Variants in KASH5 observed in about 807,000 individuals in gnomAD.
KASH5 encodes protein KASH5.
A neutral mutation model predicts 84.2 loss-of-function variants in KASH5; 72 were observed. The observed-to-expected ratio is 0.85, with a 90% CI of 0.71 to 1.04. KASH5 has a LOEUF of 1.04. Among genes scored for constraint, KASH5 ranks in the 50% least tolerant of loss-of-function variants. KASH5 has a pLI of 0.00. For synonymous variants in KASH5, 260 were observed against 279.1 expected (o/e 0.93, Z 0.68); for missense variants, 650 against 701.0 (o/e 0.93, Z 0.82).
At chr19:49,409,175 C>CCCT (rs776995923) in intron 13 of KASH5, 21 bp from the exon 14 acceptor site, 15 of 1,611,250 alleles carry the variant, frequency 9.3e-6, no homozygotes, top group Non-Finnish European at 1.3e-5. Flanking sequence ...CCATCTTCCT[C>CCCT]CCTCCTTCCT....
rs1012073553 is a variant in KASH5, at chr19:49,398,037, C to T, written c.523C>T (p.Arg175Cys). 8.7e-6 allele frequency: 14 copies of T among 1,613,796 alleles called. No homozygotes were observed. The highest frequency in any genetic ancestry group is 5.5e-5 in the South Asian group (5 of 91,074). ...SLEDLELSNR[R>C]LVGENAKLQR... ...GGAGGACCTGGAGCTCAGCAACCGACGTCTGGTTGGGGAGAATGCCAAATT... is the reference window on the plus strand; with the variant it reads ...GGAGGACCTGGAGCTCAGCAACCGATGTCTGGTTGGGGAGAATGCCAAATT... Residue 175 changes from arginine to cysteine, a missense_variant, in exon 7 of 20, where the codon CGT becomes TGT. Transcript: ENST00000447857.
chr19:49,413,112 G>A, intron 16 of KASH5, 86 bp downstream of exon 16: 1 of 1,333,700 alleles, frequency 7.5e-7, no homozygotes, highest in Non-Finnish European at 1.1e-6. Flanking sequence ...GCCCTGAGGG[G>A]ATCGGCATTC....
intron 2 of KASH5, 75 bp from the exon 3 acceptor site, chr19:49,394,401 G>T: frequency 8.7e-7 from 1 of 1,143,098 alleles, no homozygotes; most frequent in Non-Finnish European, 1.3e-6. Flanking sequence ...GAGCCCAGGA[G>T]GCTGAGGACC....
chr19:49,391,416 C>G (rs949190630), intron 2 of KASH5, among the ~76,000 whole-genome samples: 1 of 152,008 alleles, frequency 6.6e-6, no homozygotes, highest in Non-Finnish European at 1.5e-5. Context: ...ATATGAGCCA[C>G]ATAGGTAATT....
At chr19:49,409,066 A>C (rs1426950644) in intron 13 of KASH5, 35 bp downstream of exon 13, 1 of 1,581,108 alleles carries the variant, frequency 6.3e-7, no homozygotes, top group Non-Finnish European at 8.6e-7. Context: ...AGGAGGCAGG[A>C]GGGGAGCCTA....
chr19:49,409,192 C>A lies in KASH5; in HGVS notation c.1059-4C>A. On this transcript the variant is annotated splice_polypyrimidine_tract_variant and splice_region_variant and intron_variant, in intron 13 of 19. Coordinates refer to ENST00000447857, the MANE Select transcript of KASH5 (RefSeq NM_144688.5). The stretch of plus-strand genomic sequence containing the variant: ...ATCTTCCTCCCTCCTTCCTGTGTGG[C>A]CAGGCTACCTGAAGGGGCCCAGCTG... 2 of 1,612,814 alleles carry A rather than the reference C, an allele frequency of 1.2e-6. No homozygotes were observed. The highest frequency in any genetic ancestry group is 1.7e-6 in the Non-Finnish European group (2 of 1,179,038).
intron 5 of KASH5, among the ~76,000 whole-genome samples, chr19:49,396,601 A>G (rs777281659): frequency 6.6e-6 from 1 of 152,064 alleles, no homozygotes; most frequent in Non-Finnish European, 1.5e-5. Context: ...GCCCCTGGCT[A>G]GAGTTCCTTG....
intron 9 of KASH5, 64 bp from the exon 10 acceptor site, chr19:49,406,822 T>C (rs1974540831): frequency 1.4e-6 from 2 of 1,411,632 alleles, no homozygotes; most frequent in Non-Finnish European, 2.0e-6. Context: ...TTAGCAAATA[T>C]CTGCTGTTAA....
Position 49,405,420 on chromosome 19 carries a change from G to A in KASH5, c.799-1466G>A, listed in dbSNP as rs560877706. ...TGCAGTGAGCCGAGATCACGCCATT[G>A]CACTCCAGCCTGGGCAACAAGAGTG... On this transcript the variant is annotated intron_variant, in intron 9 of 19. Transcript: ENST00000447857. Among the ~76,000 whole-genome samples, 3 of 146,928 alleles carry A rather than the reference G, an allele frequency of 2.0e-5. No individual in the cohort carries two copies. In the South Asian group the frequency reaches 6.4e-4, roughly 31 times the overall value.
rs909205294 is a variant in KASH5, at chr19:49,416,834, A to G, written c.1375-181A>G. Among the ~76,000 whole-genome samples, 2 of 152,126 alleles carry G rather than the reference A, an allele frequency of 1.3e-5. No individual in the cohort carries two copies. Among genetic ancestry groups the G allele is most frequent in the East Asian group, 1.9e-4 (1 of 5,182 alleles). ...GAGCGGCACGGAGAGGTGTGGTGAC[A>G]TGCCAAGGACCCTCAGCCAGAAGCT... On this transcript the variant is annotated intron_variant, in intron 17 of 19. Coordinates refer to ENST00000447857, the MANE Select transcript of KASH5 (RefSeq NM_144688.5). This position sits in a 1 kb window ranked among gnomAD's most constrained non-coding sequence, Gnocchi z 5.4.
At chr19:49,413,810 GCTTGGAC>G (rs1163730175) in intron 16 of KASH5, among the ~76,000 whole-genome samples, 1 of 152,108 alleles carries the variant, frequency 6.6e-6, no homozygotes, top group African/African-American at 2.4e-5. Flanking sequence ...AGCTGTGAGG[GCTTGGAC>G]CTTGAGAGGG....
intron 15 of KASH5, among the ~76,000 whole-genome samples, chr19:49,411,641 A>G (rs938661312): frequency 6.6e-6 from 1 of 152,182 alleles, no homozygotes; most frequent in African/African-American, 2.4e-5. Context: ...AGACTGAGCC[A>G]GGCCTCAGAG....
chr19:49,417,040 C>T lies in KASH5; in HGVS notation c.1400C>T (p.Ala467Val), dbSNP rs756363960. 4.4e-6 allele frequency: 7 copies of T among 1,593,646 alleles called. No homozygotes were observed. Among genetic ancestry groups the T allele is most frequent in the Non-Finnish European group, 6.0e-6 (7 of 1,170,714 alleles). Residue 467 changes from alanine (A) to valine (V), a missense_variant, in exon 18 of 20, where the codon GCC becomes GTC. Transcript: ENST00000447857. This position sits in a 1 kb window ranked among gnomAD's most constrained non-coding sequence, Gnocchi z 5.2. ...GCTGATCTCCCTGTCCCTCTAGGAG[C>T]CCCTCGCCCTGGAGACATCCCAGAA... ...VTADLPVPLG[A>V]PRPGDIPENP... is the part of the protein sequence containing the mutation.
rs754808887 is a variant in KASH5, at chr19:49,399,784, A to G, written c.798+277A>G. On this transcript the variant is annotated intron_variant, in intron 9 of 19. Transcript: ENST00000447857. The surrounding 1 kb of genome is among the most constrained non-coding windows in gnomAD (Gnocchi z 4.4). The stretch of plus-strand genomic sequence containing the variant: ...TCTCTGTGCCTCAGTTGCCTCACCT[A>G]TAAAGATGAACAAAACAATGGCATC... The G allele has an allele frequency of 4.9e-5, 37 of 750,082 alleles. No homozygotes were observed. Among genetic ancestry groups the G allele is most frequent in the Non-Finnish European group, 7.1e-5 (36 of 504,064 alleles). 46.5% of individuals were successfully genotyped at this position (750,082 alleles called of 1,614,324 possible).
In KASH5 at chr19:49,417,457, C is replaced by T. The variant is rs1246079477; in HGVS notation, c.1636C>T (p.Pro546Ser). The change falls in exon 20 of 20, where the codon CCT (proline) becomes TCT (serine). Residue 546 changes from proline to serine, a missense_variant. Coordinates refer to ENST00000447857, the MANE Select transcript of KASH5 (RefSeq NM_144688.5). This position sits in a 1 kb window ranked among gnomAD's most constrained non-coding sequence, Gnocchi z 5.2. ...TGTCCTGCTGCTTGGCCCGTCCCCA[C>T]CTCCCACCTGGCCCCACCTCCAGCT... Reference protein sequence around the residue: ...LSVLLLGPSPPPTWPHLQLCY... With the variant: ...LSVLLLGPSPSPTWPHLQLCY... The T allele has an allele frequency of 6.4e-7, 1 of 1,554,680 alleles. No individual in the cohort carries two copies. Among genetic ancestry groups the T allele is most frequent in the Middle Eastern group, 1.7e-4 (1 of 5,984 alleles).
chr19:49,395,653 G>A lies in KASH5; in HGVS notation c.336-116G>A, dbSNP rs1568610931. ...TCTGGCCTCACCCTCCTACCCTGTG[G>A]TGCCAGCTCTCACCTGACCCGGTCC... On this transcript the variant is annotated intron_variant, in intron 4 of 19. Coordinates refer to ENST00000447857, the MANE Select transcript of KASH5 (RefSeq NM_144688.5). The surrounding 1 kb of genome is among the most constrained non-coding windows in gnomAD (Gnocchi z 4.4). 2.0e-6 allele frequency: 2 copies of A among 1,017,118 alleles called. No homozygotes were observed. Among genetic ancestry groups the A allele is most frequent in the East Asian group, 2.6e-5 (1 of 38,170 alleles). 63.0% of individuals were successfully genotyped at this position (1,017,118 alleles called of 1,614,324 possible). A position where few individuals can be genotyped will look rare whatever the true frequency, so the allele number is the denominator to read the frequency against.
chr19:49,390,992 A>C, intron 2 of KASH5, 66 bp downstream of exon 2: 1 of 1,560,462 alleles, frequency 6.4e-7, no homozygotes, highest in Non-Finnish European at 8.8e-7. Context: ...AATGGGTGCC[A>C]GGCTGTGACT....
rs1974281882 is a variant in KASH5, at chr19:49,399,141, C to T, written c.746C>T (p.Ala249Val). The change falls in exon 8 of 20, where the codon GCG (alanine) becomes GTG (valine). Residue 249 changes from alanine (A) to valine (V), a missense_variant and splice_region_variant. Coordinates refer to ENST00000447857, the MANE Select transcript of KASH5 (RefSeq NM_144688.5). The surrounding 1 kb of genome is among the most constrained non-coding windows in gnomAD (Gnocchi z 4.4). ...AGCCTTCTGGCCCAAGCCCGGCAGG[C>T]GGTGGGTCTGGCCCAGGGGAAGGAA... is the stretch of plus-strand genomic sequence containing the variant. ...NRSLLAQARQAEKEQQHLVAE... is the reference protein window; with the variant it reads ...NRSLLAQARQVEKEQQHLVAE... 4 of 1,549,038 alleles carry T rather than the reference C, an allele frequency of 2.6e-6. No individual in the cohort carries two copies. The highest frequency in any genetic ancestry group is 1.2e-5 in the South Asian group (1 of 83,794).
chr19:49,411,821 T>C (rs1016802261), intron 15 of KASH5, among the ~76,000 whole-genome samples: 1 of 151,332 alleles, frequency 6.6e-6, no homozygotes, highest in Admixed American at 6.6e-5. Flanking sequence ...GGGGTATCTG[T>C]GTCAGGTCAG....
Sources: gnomAD v4.1 joint callset for allele counts (sites outside exome capture counted in the v4.1 genomes callset) on GRCh38, gnomAD v4.1.1 for gene constraint, Gnocchi (gnomAD v3.1) non-coding constraint, MANE v1.5 for transcripts, NCBI Gene and HGNC (gene_info 2026-07-23, HGNC 2026-07-21) for gene names.